Variants in SCRN1 observed in about 807,000 individuals in gnomAD.
SCRN1 encodes secernin-1.
In SCRN1, 19 loss-of-function variants were observed where a neutral mutation model predicts 43.3. The ratio of observed to expected loss-of-function variants is 0.44; its 90% CI spans 0.31 to 0.64. SCRN1 has a LOEUF of 0.64. Among genes scored for constraint, SCRN1 ranks in the 30% least tolerant of loss-of-function variants. SCRN1 has a pLI of 0.09. For synonymous variants in SCRN1, 183 were observed against 188.9 expected, an observed-to-expected ratio of 0.97 and a Z score of 0.26; for missense variants, 447 against 524.1, an observed-to-expected ratio of 0.85 and a Z score of 1.44.
chr7:29,962,246 ATAAT>A (rs1788348965), intron 2 of SCRN1, among the ~76,000 whole-genome samples: 1 of 148,050 alleles, frequency 6.8e-6, no homozygotes, highest in Non-Finnish European at 1.5e-5. Flanking sequence ...ATTAAATTAT[ATAAT>A]TATTAGATAA....
chr7:29,981,169 C>T (rs908440669), intron 1 of SCRN1, among the ~76,000 whole-genome samples: 4 of 150,986 alleles, frequency 2.6e-5, no homozygotes, highest in Middle Eastern at 3.2e-3. Context: ...CACTAAGGCA[C>T]TGCTAAGTGC....
Position 29,989,622 on chromosome 7 carries a change from C to A in SCRN1, c.-2+20G>T, listed in dbSNP as rs549045462. 8 of 985,642 alleles carry A rather than the reference C, an allele frequency of 8.1e-6. No homozygotes were observed. The highest frequency in any genetic ancestry group is 9.6e-6 in the Non-Finnish European group (8 of 830,122). The allele number at this position is 985,642 out of a possible 1,614,324, so 61.1% of individuals were successfully genotyped here. On this transcript the variant is annotated intron_variant, in intron 1 of 7. Transcript: ENST00000242059. Reference sequence around the variant, plus strand: ...GGAAAGCAGCGCTGCAAACGCCCTGCGCTCCCAGACGCGGCTCACCTGGGG... The same window carrying A: ...GGAAAGCAGCGCTGCAAACGCCCTGAGCTCCCAGACGCGGCTCACCTGGGG...
rs1786800607 is a variant in SCRN1, at chr7:29,922,457, C to A, written c.*1500G>T. 1 of 152,226 alleles carries A rather than the reference C, an allele frequency of 6.6e-6. No individual in the cohort carries two copies. Among genetic ancestry groups the A allele is most frequent in the Non-Finnish European group, 1.5e-5 (1 of 68,046 alleles). The allele number at this position is 152,226 out of a possible 1,614,324, so 9.4% of individuals were successfully genotyped here. ...TCACTTCCCAGATTGCTGATACTCA[C>A]AATGTTTCCATTTGCAGATTCCTGC... On this transcript the variant is annotated 3_prime_UTR_variant, in exon 8 of 8. Transcript: ENST00000242059.
At chr7:29,936,784 C>G in intron 5 of SCRN1, 63 bp from the exon 6 acceptor site, 1 of 1,342,438 alleles carries the variant, frequency 7.4e-7, no homozygotes, top group East Asian at 2.6e-5. Context: ...CGGTGGCTCA[C>G]GCCTGTAATC....
chr7:29,963,220 A>G (rs1382933576), intron 2 of SCRN1, among the ~76,000 whole-genome samples: 1 of 152,144 alleles, frequency 6.6e-6, no homozygotes, highest in African/African-American at 2.4e-5. Context: ...GGCCCAAGAC[A>G]CTATAAAGGG....
At chr7:29,930,520 C>T (rs1787121557) in intron 6 of SCRN1, among the ~76,000 whole-genome samples, 1 of 152,238 alleles carries the variant, frequency 6.6e-6, no homozygotes, top group Non-Finnish European at 1.5e-5. Context: ...CCAACTGTCT[C>T]CACCACCTAC....
intron 6 of SCRN1, among the ~76,000 whole-genome samples, chr7:29,933,370 G>C (rs942275765): frequency 1.3e-5 from 2 of 152,202 alleles, no homozygotes; most frequent in Non-Finnish European, 2.9e-5. Flanking sequence ...GTTGGGAAGA[G>C]AGGCTCTCTT....
At chr7:29,978,931 G>A (rs947131005) in intron 1 of SCRN1, among the ~76,000 whole-genome samples, 6 of 152,338 alleles carry the variant, frequency 3.9e-5, no homozygotes, top group African/African-American at 1.4e-4. Context: ...GGGAAATATA[G>A]AGTTCAACGG....
intron 3 of SCRN1, 88 bp downstream of exon 3, chr7:29,955,091 A>T (rs1788086783): frequency 8.4e-7 from 1 of 1,190,974 alleles, no homozygotes; most frequent in Non-Finnish European, 1.2e-6. Context: ...GGATTATGTT[A>T]AAAAATGCAA....
Position 29,966,159 on chromosome 7 carries a change from C to CAGAGAGAGAGAGAGAGAGAGAG in SCRN1, c.159+2728_159+2749dup, listed in dbSNP as rs58247318. ...AGACAGAGAGAGAGAGACCGAGAGA[C>CAGAGAGAGAGAGAGAGAGAGAG]AGAGAGAGAGAGAGAGAGAGAGAGA... is the stretch of plus-strand genomic sequence containing the variant. On this transcript the variant is annotated intron_variant, in intron 2 of 7. Coordinates refer to ENST00000242059, the MANE Select transcript of SCRN1 (RefSeq NM_014766.5). 6.6e-4 allele frequency among the ~76,000 whole-genome samples: 56 copies of CAGAGAGAGAGAGAGAGAGAGAG among 84,464 alleles called. 2 individuals carry two copies. Among genetic ancestry groups the CAGAGAGAGAGAGAGAGAGAGAG allele is most frequent in the East Asian group, 2.1e-3 (6 of 2,902 alleles). The allele number at this position is 84,464 out of a possible 152,430, so 55.4% of individuals were successfully genotyped here.
At chr7:29,943,925 T>A in intron 4 of SCRN1, 52 bp downstream of exon 4, 8 of 1,541,886 alleles carry the variant, frequency 5.2e-6, no homozygotes, top group Non-Finnish European at 7.2e-6. Flanking sequence ...GGCCACCCCA[T>A]CTCTGTGGCC....
intron 6 of SCRN1, among the ~76,000 whole-genome samples, chr7:29,935,511 A>G (rs557230339): frequency 2.4e-4 from 37 of 152,318 alleles, no homozygotes; most frequent in South Asian, 6.2e-4. Context: ...ACACCAGAGA[A>G]CCTACTGGAA....
At chr7:29,966,165 G>C (rs973730853) in intron 2 of SCRN1, among the ~76,000 whole-genome samples, 15 of 139,928 alleles carry the variant, frequency 1.1e-4, no homozygotes, top group Admixed American at 6.7e-4. Flanking sequence ...GAGACAGAGA[G>C]AGAGAGAGAG....
At chr7:29,958,297 T>C (rs558734644) in intron 2 of SCRN1, among the ~76,000 whole-genome samples, 3 of 152,252 alleles carry the variant, frequency 2.0e-5, no homozygotes, top group East Asian at 1.9e-4. Context: ...TTGTCTCATG[T>C]AGATAGACTG....
intron 2 of SCRN1, among the ~76,000 whole-genome samples, chr7:29,964,951 AATATATAT>A (rs140642496): frequency 6.8e-6 from 1 of 147,800 alleles, no homozygotes; most frequent in Admixed American, 6.7e-5. Context: ...CAAAAAACAA[AATATATAT>A]ATATATATAT....
chr7:29,947,130 T>C, intron 3 of SCRN1: 1 of 1,507,560 alleles, frequency 6.6e-7, no homozygotes, highest in Non-Finnish European at 8.9e-7. Context: ...AGAGTTCCAC[T>C]GTAACATCTA....
At position 29,971,786 on chromosome 7, in the gene SCRN1, G is replaced by T. The variant is rs181689337; in HGVS notation, c.-1-2718C>A. On this transcript the variant is annotated intron_variant, in intron 1 of 7. Coordinates refer to ENST00000242059, the MANE Select transcript of SCRN1 (RefSeq NM_014766.5). ...CAGAGTCATCAATATTCTATGTTTA[G>T]AAACCTCTTTGTATGGGACTGTATT... Among the ~76,000 whole-genome samples the T allele has an allele frequency of 5.4e-3, 818 of 152,248 alleles. 4 individuals carry two copies. In the Middle Eastern group the frequency reaches 0.071, roughly 13 times the overall value.
At chr7:29,981,591 G>A (rs1788993874) in intron 1 of SCRN1, among the ~76,000 whole-genome samples, 1 of 152,212 alleles carries the variant, frequency 6.6e-6, no homozygotes, top group East Asian at 1.9e-4. Flanking sequence ...CCCAGCTTCA[G>A]GTGAAGTTCA....
At chr7:29,961,537 C>T (rs1788311494) in intron 2 of SCRN1, among the ~76,000 whole-genome samples, 2 of 150,512 alleles carry the variant, frequency 1.3e-5, no homozygotes, top group East Asian at 3.9e-4. Context: ...CTTTCTATTC[C>T]ACAAAGCCGC....
Sources: allele counts gnomAD v4.1 joint callset (sites outside exome capture counted in the v4.1 genomes callset), GRCh38; gene constraint gnomAD v4.1.1; transcripts MANE v1.5; gene names NCBI Gene and HGNC (gene_info 2026-07-23, HGNC 2026-07-21).